The following TMEM45B variants were observed in gnomAD, a reference collection of about 807,000 sequenced individuals.
TMEM45B encodes the protein transmembrane protein 45B.
Under a neutral mutation model 27.3 loss-of-function variants are expected in TMEM45B, and 29 were observed. The observed-to-expected ratio is 1.06, with a 90% CI of 0.79 to 1.45. The LOEUF (loss-of-function observed/expected upper bound fraction) is 1.45, where lower values mean the gene tolerates loss of function less well. TMEM45B is among the 40% of genes most tolerant of loss of function. The pLI is 0.00. For missense variants in TMEM45B, 348 were observed against 343.9 expected (o/e 1.01, Z -0.09); for synonymous variants, 143 against 134.7 (o/e 1.06, Z -0.43).
chr11:129,848,395 C>G (rs1276942132), intron 1 of TMEM45B, among the ~76,000 whole-genome samples: 2 of 152,284 alleles, frequency 1.3e-5, no homozygotes, highest in East Asian at 3.9e-4. Flanking sequence ...GGCCTGCAAT[C>G]CCAGGCACTC....
intron 1 of TMEM45B, among the ~76,000 whole-genome samples, chr11:129,836,224 G>A (rs952658535): frequency 7.2e-5 from 11 of 152,052 alleles, no homozygotes; most frequent in African/African-American, 2.7e-4. Flanking sequence ...AACTAGAAAT[G>A]TCTATGCTCT....
At chr11:129,849,256 G>T (rs1253899406) in intron 1 of TMEM45B, among the ~76,000 whole-genome samples, 1 of 152,210 alleles carries the variant, frequency 6.6e-6, no homozygotes, top group African/African-American at 2.4e-5. Flanking sequence ...TGCGTACTTT[G>T]ATTCAAATAC....
intron 4 of TMEM45B, 43 bp from the exon 5 acceptor site, chr11:129,857,270 G>C (rs778635472): frequency 2.5e-6 from 4 of 1,606,112 alleles, no homozygotes; most frequent in African/African-American, 2.7e-5. Context: ...TTGCTTCTCA[G>C]GACGACCAAC....
chr11:129,837,479 G>A (rs1294145847), intron 1 of TMEM45B, among the ~76,000 whole-genome samples: 1 of 151,092 alleles, frequency 6.6e-6, no homozygotes. Context: ...AAGAGACAGG[G>A]TTTCACTATG....
chr11:129,824,905 G>C (rs1429559320), intron 1 of TMEM45B, among the ~76,000 whole-genome samples: 2 of 152,156 alleles, frequency 1.3e-5, no homozygotes, highest in Non-Finnish European at 2.9e-5. Context: ...GAATGAAAAG[G>C]ACGTGCAATT....
chr11:129,817,671 C>T (rs2135546350), intron 1 of TMEM45B, among the ~76,000 whole-genome samples: 1 of 152,292 alleles, frequency 6.6e-6, no homozygotes, highest in African/African-American at 2.4e-5. Context: ...TCCATGAGTT[C>T]CTCCCACACC....
At chr11:129,836,947 G>A (rs766830313) in intron 1 of TMEM45B, among the ~76,000 whole-genome samples, 6 of 151,836 alleles carry the variant, frequency 4.0e-5, no homozygotes, top group Admixed American at 1.3e-4. Context: ...TTCAATTTAT[G>A]AATTGAAAGG....
chr11:129,852,450 T>C (rs1195227567), intron 1 of TMEM45B, 25 bp from the exon 2 acceptor site: 1 of 1,574,836 alleles, frequency 6.3e-7, no homozygotes, highest in African/African-American at 1.4e-5. Context: ...ATTAGCCACC[T>C]AACAGCCTTC....
chr11:129,837,680 G>A (rs540835449), intron 1 of TMEM45B, among the ~76,000 whole-genome samples: 2 of 146,436 alleles, frequency 1.4e-5, no homozygotes, highest in African/African-American at 5.0e-5. Flanking sequence ...CTCCCAAGTA[G>A]CTGGGACTAC....
At chr11:129,816,048 G>A (rs1947346232) in intron 1 of TMEM45B, 150 bp downstream of exon 1, 5 of 1,178,202 alleles carry the variant, frequency 4.2e-6, no homozygotes, top group African/African-American at 1.6e-5. Context: ...AGGGGCTCTG[G>A]GACAGGGGTG....
In TMEM45B at chr11:129,858,647, T is replaced by TA; in HGVS notation, c.791dup (p.Tyr264Ter). The change falls in exon 6 of 6, where the codon TAC becomes TAAC. Residue 264 changes from tyrosine (Y) to a stop codon, truncating the protein, a stop_gained and frameshift_variant. Coordinates refer to ENST00000281441, the MANE Select transcript of TMEM45B (RefSeq NM_138788.5). LOFTEE classifies it high-confidence loss of function. Reference sequence around the variant, plus strand: ...TCAGAAGCTGAATTCAGATGACACTTACCAGACCGCCCTCTTGAGTGGCTC... The same window carrying TA: ...TCAGAAGCTGAATTCAGATGACACTTAACCAGACCGCCCTCTTGAGTGGCTC... ...GIQKLNSDDT[Y>*]QTALLSGSDE... The TA allele has an allele frequency of 1.3e-6, 2 of 1,575,906 alleles. No individual in the cohort carries two copies. The highest frequency in any genetic ancestry group is 8.6e-7 in the Non-Finnish European group (1 of 1,159,284).
At chr11:129,851,996 T>C (rs1264561503) in intron 1 of TMEM45B, among the ~76,000 whole-genome samples, 1 of 152,266 alleles carries the variant, frequency 6.6e-6, no homozygotes, top group Non-Finnish European at 1.5e-5. Flanking sequence ...CGTTCATGTC[T>C]TCTGCCTATT....
intron 1 of TMEM45B, among the ~76,000 whole-genome samples, chr11:129,841,614 C>T (rs1331199736): frequency 1.7e-5 from 2 of 121,018 alleles, no homozygotes; most frequent in Admixed American, 9.9e-5. Flanking sequence ...TTTTTGGAGA[C>T]AAGAGTCTCA....
intron 1 of TMEM45B, among the ~76,000 whole-genome samples, chr11:129,848,678 G>A (rs981729934): frequency 2.0e-5 from 3 of 152,156 alleles, no homozygotes; most frequent in African/African-American, 7.2e-5. Flanking sequence ...TTTACATTCC[G>A]GGGTGGTCTT....
rs748935225 is a variant in TMEM45B at position 129,855,844 on chromosome 11, A to G, written c.522A>G (p.Glu174=). 5 of 1,614,118 alleles carry G rather than the reference A, an allele frequency of 3.1e-6. No individual in the cohort carries two copies. The South Asian group carries it at 5.5e-5, about 18-fold the overall frequency. ...TCTTCCGGGACCACATTGTGCTGGA[A>G]CTTTTCCGAACCAGTCTCATCATTC... ...EVIFRDHIVL[E]LFRTSLIILQ... The change falls in exon 4 of 6, where the codon GAA becomes GAG. Residue 174 remains glutamate (E), a synonymous_variant. Coordinates refer to ENST00000281441, the MANE Select transcript of TMEM45B (RefSeq NM_138788.5).
chr11:129,846,756 T>G (rs1207205096), intron 1 of TMEM45B, among the ~76,000 whole-genome samples: 3 of 152,198 alleles, frequency 2.0e-5, no homozygotes, highest in Admixed American at 1.3e-4. Flanking sequence ...CAGGCCTCTA[T>G]TGTACATGCA....
rs181739473 is a variant in TMEM45B, at chr11:129,854,681, T to G, written c.250T>G (p.Leu84Val). The G allele has an allele frequency of 1.8e-5, 29 of 1,614,224 alleles. No individual in the cohort carries two copies. In the East Asian group the frequency reaches 6.5e-4, roughly 36 times the overall value. Residue 84 changes from leucine (L) to valine (V), a missense_variant, in exon 3 of 6, where the codon TTA (leucine) becomes GTA (valine). Coordinates refer to ENST00000281441, the MANE Select transcript of TMEM45B (RefSeq NM_138788.5). ...HLYHENHWIK[L>V]MNWQHSTMYL... ...CTACCATGAGAACCACTGGATAAAG[T>G]TAATGAATTGGCAGCACAGCACCAT...
At chr11:129,846,815 A>G (rs987597251) in intron 1 of TMEM45B, among the ~76,000 whole-genome samples, 6 of 152,132 alleles carry the variant, frequency 3.9e-5, no homozygotes, top group Non-Finnish European at 8.8e-5. Context: ...AGTAAAGTGA[A>G]GGAGACAACT....
At chr11:129,821,450 C>T (rs1591432716) in intron 1 of TMEM45B, among the ~76,000 whole-genome samples, 1 of 152,122 alleles carries the variant, frequency 6.6e-6, no homozygotes, top group East Asian at 1.9e-4. Flanking sequence ...TCTGTCTAGG[C>T]CATCTCTTGT....
Sources: gnomAD v4.1 joint callset for allele counts (sites outside exome capture counted in the v4.1 genomes callset) on GRCh38, gnomAD v4.1.1 for gene constraint, MANE v1.5 for transcripts, NCBI Gene and HGNC (gene_info 2026-07-23, HGNC 2026-07-21) for gene names.